SLC28A1: variants seen among roughly 807,000 people sequenced by gnomAD.
SLC28A1 encodes solute carrier family 28 member 1.
SLC28A1 carries 64 observed loss-of-function variants against 74.8 expected under a neutral mutation model. The observed-to-expected ratio is 0.86, with a 90% CI of 0.70 to 1.05. SLC28A1 has a LOEUF of 1.05. SLC28A1 is among the 50% of genes least tolerant of loss of function. The pLI, the probability that SLC28A1 is intolerant of heterozygous loss-of-function variation, is 0.00. For missense variants in SLC28A1, 828 were observed against 822.8 expected (o/e 1.01, Z -0.08); for synonymous variants, 359 against 335.0 (o/e 1.07, Z -0.78).
At chr15:84,963,933 C>T in the SLC28A1 span, among the ~76,000 whole-genome samples, 1 of 152,216 alleles carries the variant, frequency 6.6e-6, no homozygotes, top group African/African-American at 2.4e-5. Flanking sequence ...TCTCCTTCCT[C>T]TCGGCTCTTC....
In SLC28A1 at chr15:84,935,022, A is replaced by G. The variant is rs368461334; in HGVS notation, c.1215-4A>G. On this transcript the variant is annotated splice_polypyrimidine_tract_variant and splice_region_variant and intron_variant, in intron 13 of 18. Coordinates refer to ENST00000394573, the MANE Select transcript of SLC28A1 (RefSeq NM_004213.5). ...GTAATGATCATTCTTGATCCCAACAACAGAGATGCTCAGAACCTCATAGAA... is the reference window on the plus strand; with the variant it reads ...GTAATGATCATTCTTGATCCCAACAGCAGAGATGCTCAGAACCTCATAGAA... The G allele has an allele frequency of 1.0e-4, 169 of 1,613,716 alleles. No individual in the cohort carries two copies. The African/African-American group carries it at 2.1e-3, about 20-fold the overall frequency.
chr15:84,956,442 C>CCTTCCTTTCTTTCTTT, the SLC28A1 span, among the ~76,000 whole-genome samples: 2 of 124,568 alleles, frequency 1.6e-5, no homozygotes, highest in African/African-American at 6.8e-5. Flanking sequence ...TTCCTTCCTT[C>CCTTCCTTTCTTTCTTT]CTTTCTTTCT....
chr15:84,893,326 T>C (rs991829761), intron 5 of SLC28A1, among the ~76,000 whole-genome samples: 13 of 151,752 alleles, frequency 8.6e-5, no homozygotes, highest in African/African-American at 3.1e-4. Context: ...CAGGTCCCCC[T>C]CCCCTGAACC....
the SLC28A1 span, among the ~76,000 whole-genome samples, chr15:84,966,044 T>C: frequency 1.3e-5 from 2 of 152,170 alleles, no homozygotes; most frequent in East Asian, 1.9e-4. Flanking sequence ...AAAAACAAAC[T>C]TCTATGTTGT....
rs142962730 is a variant in SLC28A1, at chr15:84,891,584, G to A, written c.277+1050G>A. 3.0e-3 allele frequency among the ~76,000 whole-genome samples: 463 copies of A among 152,274 alleles called. 2 individuals carry two copies. The highest frequency in any genetic ancestry group is 4.7e-3 in the Non-Finnish European group (322 of 68,022). ...GACCAGCCACACAGAAGGGGTTGGC[G>A]GCAGCCAAAGGAGCAAGGGTTTCAA... is the stretch of plus-strand genomic sequence containing the variant. On this transcript the variant is annotated intron_variant, in intron 5 of 18. Coordinates refer to ENST00000394573, the MANE Select transcript of SLC28A1 (RefSeq NM_004213.5).
In SLC28A1 at chr15:84,945,453, TC is replaced by T. The variant is rs2079170373; in HGVS notation, c.*254del. Reference sequence around the variant, plus strand: ...ACTCCCCCAGTGTGAATTCTCAGGGTCACTTCTGCCTCCTCCCGTTTCCCCT... The same window carrying T: ...ACTCCCCCAGTGTGAATTCTCAGGGTACTTCTGCCTCCTCCCGTTTCCCCT... On this transcript the variant is annotated 3_prime_UTR_variant, in exon 19 of 19. Transcript: ENST00000394573. The T allele has an allele frequency of 2.0e-6, 1 of 510,862 alleles. No homozygotes were observed. Among genetic ancestry groups the T allele is most frequent in the African/African-American group, 2.0e-5 (1 of 49,776 alleles). The allele number at this position is 510,862 out of a possible 1,614,324, so 31.6% of individuals were successfully genotyped here.
intron 8 of SLC28A1, 114 bp downstream of exon 8, chr15:84,905,766 G>C: frequency 4.8e-6 from 4 of 828,078 alleles, no homozygotes; most frequent in Non-Finnish European, 8.1e-6. Context: ...CTTGGGACCT[G>C]GAGGGTGGGG....
the SLC28A1 span, among the ~76,000 whole-genome samples, chr15:84,953,448 C>A: frequency 6.6e-6 from 1 of 152,126 alleles, no homozygotes; most frequent in Non-Finnish European, 1.5e-5. Context: ...CAGTGGAAAG[C>A]CTGAGCCAGG....
chr15:84,900,883 G>T (rs544165001), intron 6 of SLC28A1, among the ~76,000 whole-genome samples: 7 of 67,792 alleles, frequency 1.0e-4, no homozygotes, highest in African/African-American at 2.6e-4. Flanking sequence ...AGGAAGGAAG[G>T]AAGGAAGGAA....
Position 84,944,777 on chromosome 15 carries a change from G to A in SLC28A1, c.1784G>A (p.Gly595Glu), listed in dbSNP as rs768052785. The A allele has an allele frequency of 1.2e-6, 2 of 1,613,998 alleles. No individual in the cohort carries two copies. Among genetic ancestry groups the A allele is most frequent in the South Asian group, 1.1e-5 (1 of 91,084 alleles). The change falls in exon 18 of 19, where the codon GGG (glycine) becomes GAG (glutamate). Residue 595 changes from glycine to glutamate, a missense_variant. Gly to Glu is a moderately conservative substitution (Grantham distance 98). Around this residue, in one of 3 missense-constraint regions of SLC28A1, gnomAD observed 767 missense variants for 753.5 expected, o/e 1.02. Coordinates refer to ENST00000394573, the MANE Select transcript of SLC28A1 (RefSeq NM_004213.5). ...ACAGGGATCCTCTACATGCCCAGGG[G>A]GGCTGAAGTTGACTGCATGTCCCTC... ...CMAGILYMPRGAEVDCMSLLN... is the reference protein window; with the variant it reads ...CMAGILYMPREAEVDCMSLLN...
chr15:84,912,019 T>G (rs565214667), intron 9 of SLC28A1, among the ~76,000 whole-genome samples: 1 of 152,348 alleles, frequency 6.6e-6, no homozygotes, highest in East Asian at 1.9e-4. Context: ...AGCAGTTTCC[T>G]GGCCCCTGGT....
intron 1 of SLC28A1, among the ~76,000 whole-genome samples, chr15:84,885,666 G>C (rs1354718381): frequency 6.7e-6 from 1 of 148,776 alleles, no homozygotes; most frequent in African/African-American, 2.5e-5. Context: ...GGGAGGCGGA[G>C]GTTGCAGTGA....
At chr15:84,940,169 A>C (rs1424662717) in intron 15 of SLC28A1, among the ~76,000 whole-genome samples, 1 of 152,154 alleles carries the variant, frequency 6.6e-6, no homozygotes, top group Non-Finnish European at 1.5e-5. Flanking sequence ...ATTTTGTGTA[A>C]GCTGCATCAG....
At chr15:84,970,332 G>C in the SLC28A1 span, among the ~76,000 whole-genome samples, 1 of 152,114 alleles carries the variant, frequency 6.6e-6, no homozygotes, top group Non-Finnish European at 1.5e-5. Flanking sequence ...ACATCTCATT[G>C]GCCATGGTTG....
chr15:84,913,971 C>T (rs1466167310), intron 9 of SLC28A1, among the ~76,000 whole-genome samples: 1 of 152,054 alleles, frequency 6.6e-6, no homozygotes, highest in Non-Finnish European at 1.5e-5. Flanking sequence ...TTTTTTGAGA[C>T]AGGATCTCAC....
chr15:84,907,263 T>G (rs1230804921), intron 8 of SLC28A1, among the ~76,000 whole-genome samples: 2 of 152,224 alleles, frequency 1.3e-5, no homozygotes, highest in African/African-American at 4.8e-5. Flanking sequence ...CAGTCTAAAC[T>G]AATGGTCTCC....
intron 12 of SLC28A1, among the ~76,000 whole-genome samples, chr15:84,932,836 T>A (rs1971475371): frequency 6.6e-6 from 1 of 152,196 alleles, no homozygotes; most frequent in Admixed American, 6.5e-5. Flanking sequence ...TTCCTTCTCT[T>A]CCTTTATTTT....
At chr15:84,907,871 CAG>C (rs1309792554) in intron 8 of SLC28A1, among the ~76,000 whole-genome samples, 1 of 152,132 alleles carries the variant, frequency 6.6e-6, no homozygotes, top group Non-Finnish European at 1.5e-5. Context: ...GAGGAAAAGA[CAG>C]AGAGTTTCTT....
At chr15:84,973,713 G>T in the SLC28A1 span, among the ~76,000 whole-genome samples, 1 of 152,334 alleles carries the variant, frequency 6.6e-6, no homozygotes, top group Non-Finnish European at 1.5e-5. Context: ...CGCTCGCGTA[G>T]TTGCATGATG....
Sources: allele counts gnomAD v4.1 joint callset (sites outside exome capture counted in the v4.1 genomes callset), GRCh38; gene constraint gnomAD v4.1.1; regional missense constraint gnomAD v4.1.1; transcripts MANE v1.5; gene names NCBI Gene and HGNC (gene_info 2026-07-23, HGNC 2026-07-21).